SDC4: variants seen among roughly 807,000 people sequenced by gnomAD.
SDC4 encodes the protein syndecan-4.
Under a neutral mutation model 20.5 loss-of-function variants are expected in SDC4, and 17 were observed. That is an observed-to-expected ratio of 0.83 (90% CI 0.57 to 1.25). The LOEUF is 1.25. SDC4 is among the 50% of genes most tolerant of loss of function. SDC4 has a pLI of 0.00. For synonymous variants in SDC4, 107 were observed against 105.3 expected, an observed-to-expected ratio of 1.02 and a Z score of -0.10; for missense variants, 241 against 252.3, an observed-to-expected ratio of 0.96 and a Z score of 0.30.
Position 45,348,418 on chromosome 20 carries a change from G to C in SDC4, c.-34C>G. 6.6e-7 allele frequency: 1 copy of C among 1,514,240 alleles called. No individual in the cohort carries two copies. Among genetic ancestry groups the C allele is most frequent in the Non-Finnish European group, 8.8e-7 (1 of 1,133,966 alleles). 93.8% of individuals were successfully genotyped at this position (1,514,240 alleles called of 1,614,324 possible). A position where few individuals can be genotyped will look rare whatever the true frequency, so the allele number is the denominator to read the frequency against. On this transcript the variant is annotated 5_prime_UTR_variant, in exon 1 of 5. Coordinates refer to ENST00000372733, the MANE Select transcript of SDC4 (RefSeq NM_002999.4). ...GGACTGGAGAAGGCGCGCAGGCTGCGGCGAGTGGCCCCGGGCGGGCGCGCC... is the reference window on the plus strand; with the variant it reads ...GGACTGGAGAAGGCGCGCAGGCTGCCGCGAGTGGCCCCGGGCGGGCGCGCC...
chr20:45,330,557 A>C lies in SDC4; in HGVS notation c.254T>G (p.Leu85Arg). 1 of 1,614,036 alleles carries C rather than the reference A, an allele frequency of 6.2e-7. No individual in the cohort carries two copies. Among genetic ancestry groups the C allele is most frequent in the Non-Finnish European group, 8.5e-7 (1 of 1,179,958 alleles). Residue 85 changes from leucine (L) to arginine (R), a missense_variant, in exon 4 of 5, where the codon CTA (leucine) becomes CGA (arginine). Physicochemically the swap from Leu to Arg is moderately radical, Grantham distance 102. Coordinates refer to ENST00000372733, the MANE Select transcript of SDC4 (RefSeq NM_002999.4). Reference sequence around the variant, plus strand: ...TGCCCTCTCAGGGATATGGTTATCTAGAGGCACCTGGATGGGCGGAAAGGA... The same window carrying C: ...TGCCCTCTCAGGGATATGGTTATCTCGAGGCACCTGGATGGGCGGAAAGGA... ...GPEVVHPLVP[L>R]DNHIPERAGS...
chr20:45,345,425 T>G (rs924705049), intron 1 of SDC4: 4 of 152,054 alleles, frequency 2.6e-5, no homozygotes, highest in African/African-American at 9.7e-5. Flanking sequence ...GAAAGAGGCC[T>G]CCCCCCAACC....
chr20:45,334,021 GTCTC>G (rs1466213663), intron 2 of SDC4, among the ~76,000 whole-genome samples: 2 of 149,650 alleles, frequency 1.3e-5, no homozygotes, highest in Non-Finnish European at 3.0e-5. Flanking sequence ...TTGAGACAGA[GTCTC>G]TCTCTGTCGC....
chr20:45,327,877 T>C (rs1600727803), intron 4 of SDC4, among the ~76,000 whole-genome samples: 1 of 152,276 alleles, frequency 6.6e-6, no homozygotes. Flanking sequence ...CTCCTGACCT[T>C]GCCCATCTCG....
intron 1 of SDC4, among the ~76,000 whole-genome samples, chr20:45,343,803 C>A (rs1461493593): frequency 6.6e-6 from 1 of 152,190 alleles, no homozygotes; most frequent in Non-Finnish European, 1.5e-5. Flanking sequence ...TAAGTAACAC[C>A]TCCTCCCTAC....
rs184793773 is a variant in SDC4 at position 45,338,290 on chromosome 20, C to G, written c.61-2370G>C. Among the ~76,000 whole-genome samples, 236 of 152,350 alleles carry G rather than the reference C, an allele frequency of 1.5e-3. 2 individuals carry two copies. The highest frequency in any genetic ancestry group is 4.6e-4 in the Non-Finnish European group (31 of 68,034). ...TGACCTGGACATTTAACCACAAACA[C>G]ATAAACACACGCATGAACACATATG... On this transcript the variant is annotated intron_variant, in intron 1 of 4. Coordinates refer to ENST00000372733, the MANE Select transcript of SDC4 (RefSeq NM_002999.4).
intron 2 of SDC4, among the ~76,000 whole-genome samples, chr20:45,334,218 C>T (rs996070567): frequency 2.6e-5 from 4 of 152,060 alleles, no homozygotes; most frequent in East Asian, 1.9e-4. Context: ...AGGATGGTCT[C>T]GATCTCTTGA....
intron 2 of SDC4, among the ~76,000 whole-genome samples, chr20:45,333,488 G>T (rs1005662984): frequency 3.3e-5 from 5 of 152,212 alleles, no homozygotes; most frequent in Non-Finnish European, 7.3e-5. Flanking sequence ...GGCCAACATA[G>T]TGAAACCCCG....
At chr20:45,328,095 T>C (rs1404111959) in intron 4 of SDC4, among the ~76,000 whole-genome samples, 1 of 152,216 alleles carries the variant, frequency 6.6e-6, no homozygotes, top group African/African-American at 2.4e-5. Context: ...CTGCAGTCCT[T>C]AGCACAGGGC....
At chr20:45,347,703 C>A (rs767354290) in intron 1 of SDC4, among the ~76,000 whole-genome samples, 1 of 152,170 alleles carries the variant, frequency 6.6e-6, no homozygotes, top group African/African-American at 2.4e-5. Flanking sequence ...TTCTAGAAAC[C>A]CTAACGCAGT....
intron 1 of SDC4, among the ~76,000 whole-genome samples, chr20:45,337,453 C>T (rs1459348929): frequency 6.6e-6 from 1 of 152,194 alleles, no homozygotes; most frequent in African/African-American, 2.4e-5. Flanking sequence ...CCGTTTCACA[C>T]AACTTGAATC....
At chr20:45,332,503 T>G (rs899002354) in intron 3 of SDC4, among the ~76,000 whole-genome samples, 27 of 152,008 alleles carry the variant, frequency 1.8e-4, no homozygotes, top group African/African-American at 6.0e-4. Flanking sequence ...TAGCTATAAA[T>G]GTAGAGAAAA....
intron 1 of SDC4, among the ~76,000 whole-genome samples, chr20:45,342,552 A>G (rs1164923832): frequency 2.0e-5 from 3 of 152,198 alleles, no homozygotes; most frequent in East Asian, 3.9e-4. Context: ...ACTGTGCCAG[A>G]GAAAACTGGA....
At chr20:45,337,444 C>T (rs541586590) in intron 1 of SDC4, among the ~76,000 whole-genome samples, 64 of 152,274 alleles carry the variant, frequency 4.2e-4, no homozygotes, top group South Asian at 3.1e-3. Flanking sequence ...CCTGTCCTCC[C>T]GTTTCACACA....
At chr20:45,328,385 T>G (rs1044294924) in intron 4 of SDC4, among the ~76,000 whole-genome samples, 7 of 152,230 alleles carry the variant, frequency 4.6e-5, no homozygotes. Context: ...ATTAATCCAC[T>G]CAAAGTGCTT....
At position 45,326,954 on chromosome 20, in the gene SDC4, G is replaced by T. The variant is rs960749851; in HGVS notation, c.*310C>A. On this transcript the variant is annotated 3_prime_UTR_variant, in exon 5 of 5. Transcript: ENST00000372733. ...TCAGAGGAGCTCTGGATGAGGCATG[G>T]TCAGTATGGGCTTGAGGGCGGACCT... The T allele has an allele frequency of 3.4e-5, 8 of 232,696 alleles. No homozygotes were observed. Among genetic ancestry groups the T allele is most frequent in the Non-Finnish European group, 6.8e-5 (8 of 118,088 alleles). The allele number at this position is 232,696 out of a possible 1,614,324, so 14.4% of individuals were successfully genotyped here. A position where few individuals can be genotyped will look rare whatever the true frequency, so the allele number is the denominator to read the frequency against.
chr20:45,330,639 G>A (rs1276275282), intron 3 of SDC4, 75 bp from the exon 4 acceptor site: 2 of 1,296,372 alleles, frequency 1.5e-6, no homozygotes, highest in Non-Finnish European at 2.2e-6. Context: ...GGGACATTCA[G>A]CCAGGCAGAG....
intron 2 of SDC4, among the ~76,000 whole-genome samples, chr20:45,334,332 AC>A (rs1987828643): frequency 6.6e-6 from 1 of 151,808 alleles, no homozygotes; most frequent in Non-Finnish European, 1.5e-5. Flanking sequence ...CAGGGAATTA[AC>A]TTTTGAGAAA....
At chr20:45,335,684 C>G (rs1327995669) in intron 2 of SDC4, 98 bp downstream of exon 2, 1 of 1,354,160 alleles carries the variant, frequency 7.4e-7, no homozygotes, top group East Asian at 2.3e-5. Context: ...AAAAGTCCCA[C>G]AAAAATCCAA....
Sources: allele counts gnomAD v4.1 joint callset (sites outside exome capture counted in the v4.1 genomes callset), GRCh38; gene constraint gnomAD v4.1.1; transcripts MANE v1.5; gene names NCBI Gene and HGNC (gene_info 2026-07-23, HGNC 2026-07-21).